NLGN4X: variants seen among roughly 807,000 people sequenced by gnomAD.
The protein encoded by NLGN4X is neuroligin-4, X-linked.
NLGN4X carries 3 observed loss-of-function variants against 40.3 expected under a neutral mutation model. The observed-to-expected ratio is 0.07, with a 90% CI of 0.03 to 0.19. NLGN4X has a LOEUF of 0.19. Among genes scored for constraint, NLGN4X ranks in the 10% least tolerant of loss-of-function variants. The pLI, the probability that NLGN4X is intolerant of heterozygous loss-of-function variation, is 1.00. For missense variants in NLGN4X, 382 were observed against 708.3 expected, an observed-to-expected ratio of 0.54 and a Z score of 5.23; for synonymous variants, 270 against 306.8, an observed-to-expected ratio of 0.88 and a Z score of 1.25.
chrX:6,020,230 A>C (rs1358287505), intron 3 of NLGN4X, among the ~76,000 whole-genome samples: 2 of 111,780 alleles, frequency 1.8e-5, no homozygotes, highest in Non-Finnish European at 3.8e-5. Flanking sequence ...GAATAAAGAA[A>C]ATGGGGTTTA....
intron 2 of NLGN4X, among the ~76,000 whole-genome samples, chrX:6,076,524 C>T (rs1292839153): frequency 8.9e-6 from 1 of 111,959 alleles, no homozygotes; most frequent in Non-Finnish European, 1.9e-5. Flanking sequence ...ACATATTTTA[C>T]ATATTTTACA....
intron 5 of NLGN4X, among the ~76,000 whole-genome samples, chrX:5,901,523 T>G (rs183388587): frequency 8.3e-4 from 93 of 111,542 alleles, no homozygotes; most frequent in African/African-American, 2.9e-3. Flanking sequence ...TTTGGGTTCT[T>G]TTCTCCCATG....
At chrX:6,228,302 A>G (rs1232122766) in intron 1 of NLGN4X, among the ~76,000 whole-genome samples, 1 of 111,783 alleles carries the variant, frequency 8.9e-6, no homozygotes, top group Non-Finnish European at 1.9e-5. Flanking sequence ...TAAAAACCGT[A>G]TGAAGGTCTA....
chrX:6,175,673 A>C (rs1293559251), intron 1 of NLGN4X, among the ~76,000 whole-genome samples: 1 of 107,628 alleles, frequency 9.3e-6, no homozygotes, highest in African/African-American at 3.4e-5. Flanking sequence ...AAAAAAAAAA[A>C]CAAGATAAAA....
At chrX:6,059,900 A>C (rs766254468) in intron 2 of NLGN4X, among the ~76,000 whole-genome samples, 9 of 112,056 alleles carry the variant, frequency 8.0e-5, no homozygotes, top group African/African-American at 2.3e-4. Flanking sequence ...AAATTTCAAC[A>C]AAAAGTCTAA....
intron 1 of NLGN4X, among the ~76,000 whole-genome samples, chrX:6,219,336 T>TTCCTTCCTTCCC (rs1301873074): frequency 9.5e-6 from 1 of 104,999 alleles, no homozygotes; most frequent in Non-Finnish European, 2.0e-5. Flanking sequence ...TCTTCTTTCC[T>TTCCTTCCTTCCC]TCCTTCCTTC....
chrX:6,030,303 A>G (rs980937536), intron 2 of NLGN4X, among the ~76,000 whole-genome samples: 13 of 110,908 alleles, frequency 1.2e-4, no homozygotes, highest in African/African-American at 4.3e-4. Flanking sequence ...GCTTTGTGAA[A>G]AAGACCTGTT....
chrX:6,116,321 T>A, intron 2 of NLGN4X, among the ~76,000 whole-genome samples: 2 of 65,322 alleles, frequency 3.1e-5, no homozygotes. Context: ...AAAAAAACAC[T>A]GTGAAAGAGC....
chrX:5,928,133 G>C (rs1217502780), intron 3 of NLGN4X, among the ~76,000 whole-genome samples: 1 of 112,144 alleles, frequency 8.9e-6, no homozygotes, highest in East Asian at 2.8e-4. Flanking sequence ...CCCAGACTTG[G>C]TGTTCTATCT....
At chrX:5,943,888 T>G (rs1035459088) in intron 3 of NLGN4X, among the ~76,000 whole-genome samples, 2 of 112,378 alleles carry the variant, frequency 1.8e-5, no homozygotes, top group Non-Finnish European at 3.8e-5. Flanking sequence ...GGGAGGAAAC[T>G]GTAACTGTGG....
chrX:6,011,197 G>A (rs1379969986), intron 3 of NLGN4X, among the ~76,000 whole-genome samples: 2 of 110,355 alleles, frequency 1.8e-5, no homozygotes, highest in East Asian at 5.7e-4. Flanking sequence ...AGAAATGTTG[G>A]CACTATGAAA....
chrX:6,009,618 G>A (rs1441362641), intron 3 of NLGN4X, among the ~76,000 whole-genome samples: 1 of 112,207 alleles, frequency 8.9e-6, no homozygotes, highest in Admixed American at 9.4e-5. Flanking sequence ...CATTTCGGTG[G>A]GTGGGTACTG....
At chrX:5,904,049 G>C (rs73627029) in intron 4 of NLGN4X, among the ~76,000 whole-genome samples, 183 bp from the exon 5 acceptor site, 132 of 110,402 alleles carry the variant, frequency 1.2e-3, no homozygotes, top group African/African-American at 3.8e-3. Context: ...CCCTCCTCCT[G>C]AACATTCATT....
Position 5,995,254 on chromosome X carries a change from T to C in NLGN4X, c.625+34026A>G, listed in dbSNP as rs2035789241. 2.7e-5 allele frequency among the ~76,000 whole-genome samples: 3 copies of C among 112,453 alleles called. No homozygotes were observed. The South Asian group carries it at 1.1e-3, about 41-fold the overall frequency. On this transcript the variant is annotated intron_variant, in intron 3 of 5. Coordinates refer to ENST00000381095, the MANE Select transcript of NLGN4X (RefSeq NM_181332.3). ...CCTCTTCTTCCCTTGGGGAGCTTTA[T>C]ACACAAAATTGCCTCTGTGTGCGAA...
intron 3 of NLGN4X, among the ~76,000 whole-genome samples, chrX:5,977,633 A>C (rs911436046): frequency 9.0e-6 from 1 of 110,886 alleles, no homozygotes; most frequent in Non-Finnish European, 1.9e-5. Flanking sequence ...GGTGGGTGTG[A>C]ACTGGGGATG....
intron 1 of NLGN4X, among the ~76,000 whole-genome samples, chrX:6,226,374 C>T (rs1287699081): frequency 9.0e-6 from 1 of 110,651 alleles, no homozygotes; most frequent in Non-Finnish European, 1.9e-5. Flanking sequence ...CGGAGGACGT[C>T]CTCCGGCTGC....
At chrX:5,909,971 AAAG>A (rs2032404466) in intron 3 of NLGN4X, among the ~76,000 whole-genome samples, 1 of 112,064 alleles carries the variant, frequency 8.9e-6, no homozygotes, top group Non-Finnish European at 1.9e-5. Context: ...CTTATTTTAA[AAAG>A]AAGGATTCTG....
In NLGN4X at chrX:6,144,536, C is replaced by T. The variant is rs145288285; in HGVS notation, c.472+6459G>A. 3.5e-3 allele frequency among the ~76,000 whole-genome samples: 390 copies of T among 111,359 alleles called. 1 individual carries two copies. The highest frequency in any genetic ancestry group is 0.012 in the African/African-American group (370 of 30,642). ...TCAAGGTATCAGGAGGGCTGTCGGG[C>T]TCCTTGCTGGAAGCTCTAAGGAAAA... On this transcript the variant is annotated intron_variant, in intron 2 of 5. Transcript: ENST00000381095.
chrX:6,206,071 T>C (rs961479616), intron 1 of NLGN4X, among the ~76,000 whole-genome samples: 11 of 110,009 alleles, frequency 1.0e-4, no homozygotes, highest in African/African-American at 1.7e-4. Context: ...ATTTTACAGT[T>C]GAGGGAAGGG....
Sources: gnomAD v4.1 joint callset for allele counts (sites outside exome capture counted in the v4.1 genomes callset) on GRCh38, gnomAD v4.1.1 for gene constraint, MANE v1.5 for transcripts, NCBI Gene and HGNC (gene_info 2026-07-23, HGNC 2026-07-21) for gene names.